Variants in PSD2 observed in about 807,000 individuals in gnomAD.
The protein encoded by PSD2 is PH and SEC7 domain-containing protein 2.
A neutral mutation model predicts 69.8 loss-of-function variants in PSD2; 38 were observed. The ratio of observed to expected loss-of-function variants is 0.54; its 90% CI spans 0.42 to 0.71. The LOEUF (loss-of-function observed/expected upper bound fraction) is 0.71, where lower values mean the gene tolerates loss of function less well. Among genes scored for constraint, PSD2 ranks in the 30% least tolerant of loss-of-function variants. The pLI, the probability that PSD2 is intolerant of heterozygous loss-of-function variation, is 0.00. For missense variants in PSD2, 943 were observed against 1,014.5 expected (o/e 0.93, Z 0.96); for synonymous variants, 412 against 423.0 (o/e 0.97, Z 0.32).
chr5:139,822,869 T>G, intron 7 of PSD2, 85 bp downstream of exon 7: 33 of 1,167,702 alleles, frequency 2.8e-5, no homozygotes, highest in South Asian at 5.0e-5. Context: ...TGAGATCTCT[T>G]ACTCAGTGGC....
At chr5:139,827,197 GGA>G (rs898343523) in intron 7 of PSD2, among the ~76,000 whole-genome samples, 3 of 152,214 alleles carry the variant, frequency 2.0e-5, no homozygotes, top group African/African-American at 7.2e-5. Context: ...AAAGGGTTTT[GGA>G]GAGAGAGAGC....
chr5:139,812,436 C>CATGGGGCTG (rs1336904265), intron 2 of PSD2, among the ~76,000 whole-genome samples: 2 of 152,156 alleles, frequency 1.3e-5, no homozygotes, highest in Non-Finnish European at 2.9e-5. Flanking sequence ...TGGTTGGGGC[C>CATGGGGCTG]ATGGGGCTGA....
intron 1 of PSD2, among the ~76,000 whole-genome samples, chr5:139,797,140 C>A (rs1759552955): frequency 1.3e-5 from 2 of 152,180 alleles, no homozygotes. Flanking sequence ...AACCTGTCTC[C>A]CAGGGAAGCT....
At chr5:139,761,095 A>G in the PSD2 span, among the ~76,000 whole-genome samples, 2 of 152,228 alleles carry the variant, frequency 1.3e-5, no homozygotes, top group African/African-American at 2.4e-5. Flanking sequence ...AGAAAGACTC[A>G]GGGGCAAATA....
chr5:139,751,587 G>A, the PSD2 span, among the ~76,000 whole-genome samples: 1 of 152,206 alleles, frequency 6.6e-6, no homozygotes, highest in Admixed American at 6.5e-5. Flanking sequence ...CTTGTTGAGA[G>A]CAAGTCAATG....
At chr5:139,787,548 G>C in the PSD2 span, among the ~76,000 whole-genome samples, 1 of 152,236 alleles carries the variant, frequency 6.6e-6, no homozygotes, top group South Asian at 2.1e-4. Flanking sequence ...GCAGTCAGCT[G>C]CCACAACCAG....
the PSD2 span, among the ~76,000 whole-genome samples, chr5:139,760,002 G>T: frequency 0.82 from 124,128 of 152,234 alleles, 52,273 homozygotes; most frequent in South Asian, 0.93. Context: ...GGGTGAGCCA[G>T]GCTGAGGACA....
At chr5:139,794,688 G>C (rs910806217), upstream of PSD2, among the ~76,000 whole-genome samples, 1 of 152,212 alleles carries the variant, frequency 6.6e-6, no homozygotes, top group Non-Finnish European at 1.5e-5. Context: ...GAACCCCCCA[G>C]GGGCTGGAGT....
chr5:139,843,379 G>T lies in PSD2; in HGVS notation c.*905G>T, dbSNP rs1760924168. 6.6e-6 allele frequency: 1 copy of T among 152,210 alleles called. No homozygotes were observed. Among genetic ancestry groups the T allele is most frequent in the Admixed American group, 6.5e-5 (1 of 15,280 alleles). The allele number at this position is 152,210 out of a possible 1,614,324, so 9.4% of individuals were successfully genotyped here. A position where few individuals can be genotyped will look rare whatever the true frequency, so the allele number is the denominator to read the frequency against. ...ACCGATGATACTTTTGGAAAAAATA[G>T]AGCGTGTATGCACCGCCCCGTTTGT... On this transcript the variant is annotated 3_prime_UTR_variant, in exon 15 of 15. Transcript: ENST00000274710.
At chr5:139,821,829 G>T (rs947400606) in intron 5 of PSD2, 64 bp from the exon 6 acceptor site, 2 of 886,792 alleles carry the variant, frequency 2.3e-6, no homozygotes, top group East Asian at 2.6e-5. Context: ...CTGTGTGTGT[G>T]GGGGGTGGTC....
intron 7 of PSD2, among the ~76,000 whole-genome samples, chr5:139,825,186 G>T (rs1328123458): frequency 1.3e-5 from 2 of 152,246 alleles, no homozygotes; most frequent in African/African-American, 4.8e-5. Context: ...GCACACACAG[G>T]AAGGTGTGAT....
intron 1 of PSD2, among the ~76,000 whole-genome samples, chr5:139,798,324 C>T (rs763856993): frequency 3.3e-5 from 5 of 152,176 alleles, no homozygotes; most frequent in African/African-American, 2.4e-5. Flanking sequence ...CAGGTGAGTC[C>T]GTTTCCTCAG....
chr5:139,813,140 C>G (rs1245275388), intron 2 of PSD2, among the ~76,000 whole-genome samples, 169 bp from the exon 3 acceptor site: 1 of 152,220 alleles, frequency 6.6e-6, no homozygotes, highest in Non-Finnish European at 1.5e-5. Context: ...CAGTACCCAG[C>G]CTGGTGTCTG....
chr5:139,832,107 A>T (rs1268855207), intron 7 of PSD2, among the ~76,000 whole-genome samples: 1 of 152,176 alleles, frequency 6.6e-6, no homozygotes, highest in African/African-American at 2.4e-5. Context: ...GCTGCTGGGA[A>T]GGTTCACCCA....
the PSD2 span, among the ~76,000 whole-genome samples, chr5:139,747,777 G>A: frequency 6.6e-6 from 1 of 152,242 alleles, no homozygotes; most frequent in African/African-American, 2.4e-5. The surrounding 1 kb of genome is among the most constrained non-coding windows in gnomAD (Gnocchi z 6.7). Flanking sequence ...TGGCCCCACC[G>A]GGCCCCCCAG....
At chr5:139,806,793 A>C (rs1759819898) in intron 1 of PSD2, among the ~76,000 whole-genome samples, 1 of 152,226 alleles carries the variant, frequency 6.6e-6, no homozygotes, top group Admixed American at 6.5e-5. Context: ...GCTTGGGCTC[A>C]GCAAGAGAGG....
the PSD2 span, among the ~76,000 whole-genome samples, chr5:139,781,446 C>A: frequency 4.1e-4 from 62 of 151,962 alleles, no homozygotes; most frequent in African/African-American, 1.5e-3. Context: ...CGCCATTCTC[C>A]TGCCTCAGCC....
the PSD2 span, among the ~76,000 whole-genome samples, chr5:139,759,291 C>T: frequency 6.6e-6 from 1 of 151,984 alleles, no homozygotes; most frequent in South Asian, 2.1e-4. Flanking sequence ...TAATTGCCAC[C>T]GCCCGCGCGC....
the PSD2 span, among the ~76,000 whole-genome samples, chr5:139,770,135 A>G: frequency 6.6e-6 from 1 of 152,194 alleles, no homozygotes; most frequent in Non-Finnish European, 1.5e-5. Flanking sequence ...GCAAGACTCA[A>G]AGTGAGTGTA....
Sources: allele counts gnomAD v4.1 joint callset (sites outside exome capture counted in the v4.1 genomes callset), GRCh38; gene constraint gnomAD v4.1.1; non-coding constraint Gnocchi (gnomAD v3.1); transcripts MANE v1.5; gene names NCBI Gene and HGNC (gene_info 2026-07-23, HGNC 2026-07-21).